OR5H14: variants seen among roughly 807,000 people sequenced by gnomAD.
OR5H14 encodes the protein olfactory receptor 5H14.
For synonymous variants in OR5H14, 155 were observed against 130.6 expected (o/e 1.19, Z -1.28); for missense variants, 392 against 363.9 (o/e 1.08, Z -0.63).
chr3:98,156,286 A>AT lies in OR5H14; in HGVS notation c.*5972dup, dbSNP rs1708589358. ...TTATGATATTAGTAAAAGAGAAATT[A>AT]TTTTATCATATCCACTATTATTTTT... On this transcript the variant is annotated 3_prime_UTR_variant, in exon 2 of 2. Transcript: ENST00000641380. 6.6e-6 allele frequency: 1 copy of AT among 152,172 alleles called. No individual in the cohort carries two copies. Among genetic ancestry groups the AT allele is most frequent in the Non-Finnish European group, 1.5e-5 (1 of 68,016 alleles). 9.4% of individuals were successfully genotyped at this position (152,172 alleles called of 1,614,324 possible). A position where few individuals can be genotyped will look rare whatever the true frequency, so the allele number is the denominator to read the frequency against.
intron 1 of OR5H14, 130 bp from the exon 2 acceptor site, chr3:98,149,238 T>A: frequency 9.8e-7 from 1 of 1,019,520 alleles, no homozygotes; most frequent in Non-Finnish European, 1.4e-6. Flanking sequence ...TTATAGGATT[T>A]CTTATTTATA....
In OR5H14 at chr3:98,153,723, T is replaced by C. The variant is rs945461015; in HGVS notation, c.*3405T>C. 1 of 152,216 alleles carries C rather than the reference T, an allele frequency of 6.6e-6. No individual in the cohort carries two copies. The highest frequency in any genetic ancestry group is 1.5e-5 in the Non-Finnish European group (1 of 68,048). The allele number at this position is 152,216 out of a possible 1,614,324, so 9.4% of individuals were successfully genotyped here. A position where few individuals can be genotyped will look rare whatever the true frequency, so the allele number is the denominator to read the frequency against. ...GGGACAAAATGGCAGTTGCAATCTG[T>C]TGATTTTTCTGTTTTGCAGTCTGAA... On this transcript the variant is annotated 3_prime_UTR_variant, in exon 2 of 2. Transcript: ENST00000641380.
At position 98,156,254 on chromosome 3, in the gene OR5H14, T is replaced by C. The variant is rs1708588624; in HGVS notation, c.*5936T>C. The C allele has an allele frequency of 6.6e-6, 1 of 152,194 alleles. No individual in the cohort carries two copies. The highest frequency in any genetic ancestry group is 1.5e-5 in the Non-Finnish European group (1 of 68,014). The allele number at this position is 152,194 out of a possible 1,614,324, so 9.4% of individuals were successfully genotyped here. A position where few individuals can be genotyped will look rare whatever the true frequency, so the allele number is the denominator to read the frequency against. On this transcript the variant is annotated 3_prime_UTR_variant, in exon 2 of 2. Transcript: ENST00000641380. ...GCCTAATACTTTTAAAGGATCTCCA[T>C]AATTTCTTATGATATTAGTAAAAGA...
chr3:98,149,300 C>T (rs1708464102), intron 1 of OR5H14, 68 bp from the exon 2 acceptor site: 2 of 1,513,588 alleles, frequency 1.3e-6, no homozygotes, highest in Admixed American at 3.9e-5. Context: ...ATATCAACAC[C>T]TCTTTCCCAA....
Position 98,150,085 on chromosome 3 carries a change from A to C in OR5H14, c.700A>C (p.Met234Leu). 1 of 1,610,930 alleles carries C rather than the reference A, an allele frequency of 6.2e-7. No individual in the cohort carries two copies. The highest frequency in any genetic ancestry group is 2.2e-5 in the East Asian group (1 of 44,760). The change falls in exon 2 of 2, where the codon ATG becomes CTG. Residue 234 changes from methionine (M) to leucine (L), a missense_variant. By Grantham distance (15) the Met-to-Leu change is conservative. Coordinates refer to ENST00000641380, the MANE Select transcript of OR5H14 (RefSeq NM_001005514.2). Reference protein sequence around the residue: ...TILKKKSVKGMRKAFSTCGAH... With the variant: ...TILKKKSVKGLRKAFSTCGAH... Reference sequence around the variant, plus strand: ...CTTGAAAAAGAAGTCTGTCAAAGGTATGAGAAAAGCCTTCTCCACCTGTGG... The same window carrying C: ...CTTGAAAAAGAAGTCTGTCAAAGGTCTGAGAAAAGCCTTCTCCACCTGTGG...
chr3:98,148,292 T>C (rs1363772726), intron 1 of OR5H14, among the ~76,000 whole-genome samples: 1 of 152,224 alleles, frequency 6.6e-6, no homozygotes, highest in African/African-American at 2.4e-5. Context: ...ACCAGACATA[T>C]GTCCACTTTG....
Position 98,152,584 on chromosome 3 carries a change from G to A in OR5H14, c.*2266G>A, listed in dbSNP as rs2107319557. The stretch of plus-strand genomic sequence containing the variant: ...AAACACTGCAAGTTCTCACTCATAA[G>A]TGTGGGTTGAACAATGGGAACACAT... On this transcript the variant is annotated 3_prime_UTR_variant, in exon 2 of 2. Transcript: ENST00000641380. The A allele has an allele frequency of 6.6e-6, 1 of 152,314 alleles. No homozygotes were observed. The highest frequency in any genetic ancestry group is 3.4e-3 in the Middle Eastern group (1 of 294). The allele number at this position is 152,314 out of a possible 1,614,324, so 9.4% of individuals were successfully genotyped here.
At position 98,151,771 on chromosome 3, in the gene OR5H14, T is replaced by C. The variant is rs1480996453; in HGVS notation, c.*1453T>C. On this transcript the variant is annotated 3_prime_UTR_variant, in exon 2 of 2. Transcript: ENST00000641380. ...TGGAGCAGTAGCGTTATTTGGATTATTCCAGTAGAAAGTTCCTACTTAGAG... is the reference window on the plus strand; with the variant it reads ...TGGAGCAGTAGCGTTATTTGGATTACTCCAGTAGAAAGTTCCTACTTAGAG... 5 of 152,166 alleles carry C rather than the reference T, an allele frequency of 3.3e-5. No individual in the cohort carries two copies. Among genetic ancestry groups the C allele is most frequent in the Admixed American group, 3.3e-4 (5 of 15,258 alleles). The allele number at this position is 152,166 out of a possible 1,614,324, so 9.4% of individuals were successfully genotyped here. A position where few individuals can be genotyped will look rare whatever the true frequency, so the allele number is the denominator to read the frequency against.
In OR5H14 at chr3:98,151,637, T is replaced by C. The variant is rs924868809; in HGVS notation, c.*1319T>C. 2 of 152,156 alleles carry C rather than the reference T, an allele frequency of 1.3e-5. No individual in the cohort carries two copies. The highest frequency in any genetic ancestry group is 6.6e-5 in the Admixed American group (1 of 15,266). The allele number at this position is 152,156 out of a possible 1,614,324, so 9.4% of individuals were successfully genotyped here. On this transcript the variant is annotated 3_prime_UTR_variant, in exon 2 of 2. Coordinates refer to ENST00000641380, the MANE Select transcript of OR5H14 (RefSeq NM_001005514.2). Reference sequence around the variant, plus strand: ...TACCTGATTATACGTACATGTGTTTTAGGTGTCAATATCTATGTATACATA... The same window carrying C: ...TACCTGATTATACGTACATGTGTTTCAGGTGTCAATATCTATGTATACATA...
Position 98,150,015 on chromosome 3 carries a change from C to G in OR5H14, c.630C>G (p.Thr210=). 6.2e-7 allele frequency: 1 copy of G among 1,612,928 alleles called. No homozygotes were observed. Among genetic ancestry groups the G allele is most frequent in the Non-Finnish European group, 8.5e-7 (1 of 1,179,500 alleles). ...FIFAGSIQVF[T]IGTVLISYIF... Reference sequence around the variant, plus strand: ...TTGCAGGTTCAATTCAAGTTTTTACCATAGGGACTGTTCTTATATCTTACA... The same window carrying G: ...TTGCAGGTTCAATTCAAGTTTTTACGATAGGGACTGTTCTTATATCTTACA... The change falls in exon 2 of 2, where the codon ACC becomes ACG. Residue 210 remains threonine (T), a synonymous_variant. Coordinates refer to ENST00000641380, the MANE Select transcript of OR5H14 (RefSeq NM_001005514.2).
chr3:98,150,028 C>G lies in OR5H14; in HGVS notation c.643C>G (p.Leu215Val). The G allele has an allele frequency of 6.2e-7, 1 of 1,612,726 alleles. No individual in the cohort carries two copies. The highest frequency in any genetic ancestry group is 8.5e-7 in the Non-Finnish European group (1 of 1,179,448). Reference protein sequence around the residue: ...SIQVFTIGTVLISYIFVLYTI... With the variant: ...SIQVFTIGTVVISYIFVLYTI... Reference sequence around the variant, plus strand: ...TCAAGTTTTTACCATAGGGACTGTTCTTATATCTTACATATTTGTCCTCTA... The same window carrying G: ...TCAAGTTTTTACCATAGGGACTGTTGTTATATCTTACATATTTGTCCTCTA... The change falls in exon 2 of 2, where the codon CTT becomes GTT. Residue 215 changes from leucine (L) to valine (V), a missense_variant. Leu to Val is a conservative substitution (Grantham distance 32). Transcript: ENST00000641380.
rs999283420 is a variant in OR5H14, at chr3:98,152,037, C to G, written c.*1719C>G. ...CAAAAGAAGACATTTATGCAACCAGCAAGCATGTGAAAACCTTGTCATCAC... is the reference window on the plus strand; with the variant it reads ...CAAAAGAAGACATTTATGCAACCAGGAAGCATGTGAAAACCTTGTCATCAC... On this transcript the variant is annotated 3_prime_UTR_variant, in exon 2 of 2. Coordinates refer to ENST00000641380, the MANE Select transcript of OR5H14 (RefSeq NM_001005514.2). The G allele has an allele frequency of 6.6e-6, 1 of 152,110 alleles. No individual in the cohort carries two copies. Among genetic ancestry groups the G allele is most frequent in the Non-Finnish European group, 1.5e-5 (1 of 68,022 alleles). The allele number at this position is 152,110 out of a possible 1,614,324, so 9.4% of individuals were successfully genotyped here.
At position 98,150,616 on chromosome 3, in the gene OR5H14, T is replaced by G. The variant is rs1708494889; in HGVS notation, c.*298T>G. 1 of 198,936 alleles carries G rather than the reference T, an allele frequency of 5.0e-6. No homozygotes were observed. The highest frequency in any genetic ancestry group is 1.0e-5 in the Non-Finnish European group (1 of 98,240). 12.3% of individuals were successfully genotyped at this position (198,936 alleles called of 1,614,324 possible). A position where few individuals can be genotyped will look rare whatever the true frequency, so the allele number is the denominator to read the frequency against. Reference sequence around the variant, plus strand: ...TATAAATGCATTAAATGCAAAATAGTCTAGTTTATCTGATAAGCACTTAAG... The same window carrying G: ...TATAAATGCATTAAATGCAAAATAGGCTAGTTTATCTGATAAGCACTTAAG... On this transcript the variant is annotated 3_prime_UTR_variant, in exon 2 of 2. Transcript: ENST00000641380.
chr3:98,156,512 G>A lies in OR5H14; in HGVS notation c.*6194G>A, dbSNP rs1171944021. On this transcript the variant is annotated 3_prime_UTR_variant, in exon 2 of 2. Coordinates refer to ENST00000641380, the MANE Select transcript of OR5H14 (RefSeq NM_001005514.2). Reference sequence around the variant, plus strand: ...ATCTTGTTAACCTGACTATAATGATGTTATAAGTTCTGGCTAATTAGAAGC... The same window carrying A: ...ATCTTGTTAACCTGACTATAATGATATTATAAGTTCTGGCTAATTAGAAGC... 2 of 152,096 alleles carry A rather than the reference G, an allele frequency of 1.3e-5. No homozygotes were observed. The highest frequency in any genetic ancestry group is 3.9e-4 in the East Asian group (2 of 5,186). 9.4% of individuals were successfully genotyped at this position (152,096 alleles called of 1,614,324 possible).
chr3:98,149,906 T>C lies in OR5H14; in HGVS notation c.521T>C (p.Ile174Thr), dbSNP rs868151327. Residue 174 changes from isoleucine (I) to threonine (T), a missense_variant, in exon 2 of 2, where the codon ATA (isoleucine) becomes ACA (threonine). Physicochemically the swap from Ile to Thr is moderately conservative, Grantham distance 89 (BLOSUM62 -1). Transcript: ENST00000641380. ...CTAACCTTCTGTAACTCCAACATAA[T>C]ACAACACTTTTACTGTGACATTATC... ...FRLTFCNSNI[I>T]QHFYCDIIPL... 23 of 1,613,368 alleles carry C rather than the reference T, an allele frequency of 1.4e-5. 1 individual carries two copies. The Middle Eastern group carries it at 5.0e-4, about 35-fold the overall frequency.
rs200154783 is a variant in OR5H14, at chr3:98,149,703, C to T, written c.318C>T (p.Ile106=). The part of the protein sequence containing the change: ...ECKIQLFSFA[I]SVTTECFLLA... Reference sequence around the variant, plus strand: ...AGATACAGTTGTTTTCGTTTGCAATCAGTGTAACCACGGAATGTTTTCTCT... The same window carrying T: ...AGATACAGTTGTTTTCGTTTGCAATTAGTGTAACCACGGAATGTTTTCTCT... Residue 106 remains isoleucine (I), a synonymous_variant, in exon 2 of 2, where the codon ATC becomes ATT. Transcript: ENST00000641380. 3.4e-3 allele frequency: 5,490 copies of T among 1,610,190 alleles called. 210 individuals are homozygous for T. In the African/African-American group the frequency reaches 0.059, roughly 17 times the overall value.
At position 98,149,610 on chromosome 3, in the gene OR5H14, C is replaced by A; in HGVS notation, c.225C>A (p.Ser75=). The A allele has an allele frequency of 1.9e-6, 3 of 1,613,582 alleles. No homozygotes were observed. The change falls in exon 2 of 2, where the codon TCC becomes TCA. Residue 75 remains serine, a synonymous_variant. Coordinates refer to ENST00000641380, the MANE Select transcript of OR5H14 (RefSeq NM_001005514.2). The stretch of plus-strand genomic sequence containing the variant: ...CTTTTGTGGATGCTTTGTTATCATC[C>A]TCAGTGACTCTGAAGATGCTGATCA... ...NLAFVDALLS[S]SVTLKMLINF...
rs1162847592 is a variant in OR5H14, at chr3:98,150,810, T to A, written c.*492T>A. 1 of 152,448 alleles carries A rather than the reference T, an allele frequency of 6.6e-6. No individual in the cohort carries two copies. Among genetic ancestry groups the A allele is most frequent in the Non-Finnish European group, 1.5e-5 (1 of 68,208 alleles). 9.4% of individuals were successfully genotyped at this position (152,448 alleles called of 1,614,324 possible). On this transcript the variant is annotated 3_prime_UTR_variant, in exon 2 of 2. Coordinates refer to ENST00000641380, the MANE Select transcript of OR5H14 (RefSeq NM_001005514.2). The stretch of plus-strand genomic sequence containing the variant: ...TAATTGTAAAAGAGTGAATTTCACT[T>A]CTTGTAGGAAGTCAACTCATATATC...
At position 98,149,371 on chromosome 3, in the gene OR5H14, A is replaced by G. The variant is rs1399268517; in HGVS notation, c.-15A>G. 5 of 1,611,624 alleles carry G rather than the reference A, an allele frequency of 3.1e-6. No individual in the cohort carries two copies. The highest frequency in any genetic ancestry group is 4.2e-6 in the Non-Finnish European group (5 of 1,178,422). Reference sequence around the variant, plus strand: ...CATTTGTTGCATTTTATTTTAGAGGACATGCAGTGAGGACATGGAAGAGGA... The same window carrying G: ...CATTTGTTGCATTTTATTTTAGAGGGCATGCAGTGAGGACATGGAAGAGGA... On this transcript the variant is annotated 5_prime_UTR_variant, in exon 2 of 2. Coordinates refer to ENST00000641380, the MANE Select transcript of OR5H14 (RefSeq NM_001005514.2).
Sources: gnomAD v4.1 joint callset for allele counts (sites outside exome capture counted in the v4.1 genomes callset) on GRCh38, gnomAD v4.1.1 for gene constraint, MANE v1.5 for transcripts, NCBI Gene and HGNC (gene_info 2026-07-23, HGNC 2026-07-21) for gene names.